The following DDHD2 variants were observed in gnomAD, a reference collection of about 807,000 sequenced individuals.
The protein encoded by DDHD2 is triacylglycerol hydrolase DDHD2.
Under a neutral mutation model 91.2 loss-of-function variants are expected in DDHD2, and 62 were observed. The ratio of observed to expected loss-of-function variants is 0.68; its 90% CI spans 0.55 to 0.84. The LOEUF (loss-of-function observed/expected upper bound fraction) is 0.84. Ranked by LOEUF, DDHD2 falls within the 40% of genes least tolerant of loss-of-function variation. The pLI is 0.00. For synonymous variants in DDHD2, 271 were observed against 293.9 expected (o/e 0.92, Z 0.80); for missense variants, 740 against 846.9 (o/e 0.87, Z 1.57).
At chr8:38,268,210 A>G (rs1808005158) in intron 1 of DDHD2, 1 of 1,070,434 alleles carries the variant, frequency 9.3e-7, no homozygotes, top group East Asian at 2.6e-5. Flanking sequence ...TAGCCTGCGT[A>G]ACCAAGTCCC....
chr8:38,245,622 G>GT (rs747525115), intron 7 of DDHD2, 120 bp from the exon 8 acceptor site: 12 of 916,198 alleles, frequency 1.3e-5, no homozygotes, highest in East Asian at 4.8e-5. Context: ...TCCTCTTTTT[G>GT]TTTTTTCCTA....
chr8:38,239,209 A>T (rs566353284), intron 5 of DDHD2, among the ~76,000 whole-genome samples: 1 of 151,958 alleles, frequency 6.6e-6, no homozygotes, highest in East Asian at 1.9e-4. Flanking sequence ...CCCTGTCTGT[A>T]CAAAAAATAC....
Position 38,247,755 on chromosome 8 carries a change from C to T in DDHD2, c.1168C>T (p.Leu390=), listed in dbSNP as rs142190071. Residue 390 remains leucine, a synonymous_variant, in exon 10 of 18, where the codon CTA becomes TTA. Coordinates refer to ENST00000397166, the MANE Select transcript of DDHD2 (RefSeq NM_015214.3). ...AATGGATCAAGGAGATACACCTACA[C>T]TAGAGGAAGATTTGAAGAAACTTCA... ...IVMDQGDTPT[L]EEDLKKLQLS... 815 of 1,574,170 alleles carry T rather than the reference C, an allele frequency of 5.2e-4. 4 individuals carry two copies. In the African/African-American group the frequency reaches 0.01, roughly 20 times the overall value.
Position 38,260,127 on chromosome 8 carries a change from A to AC in DDHD2, c.*9dup, listed in dbSNP as rs747616530. ...TTGATCAGCCTTTACAGTAAAAATG[A>AC]CCCATCTATGGCTGCTTAATGTAAG... On this transcript the variant is annotated 3_prime_UTR_variant, in exon 17 of 18. Transcript: ENST00000397166. 9 of 1,597,224 alleles carry AC rather than the reference A, an allele frequency of 5.6e-6. No individual in the cohort carries two copies. Among genetic ancestry groups the AC allele is most frequent in the South Asian group, 4.4e-5 (4 of 90,744 alleles).
intron 7 of DDHD2, among the ~76,000 whole-genome samples, chr8:38,243,604 A>G (rs1585723499): frequency 6.6e-6 from 1 of 151,766 alleles, no homozygotes; most frequent in Admixed American, 6.6e-5. Context: ...CTTCATCACC[A>G]TATGATTTTT....
chr8:38,243,585 C>G (rs954450975), intron 7 of DDHD2, among the ~76,000 whole-genome samples: 9 of 152,100 alleles, frequency 5.9e-5, no homozygotes, highest in African/African-American at 2.2e-4. Context: ...CATACCTTAT[C>G]TAATGCCCCT....
intron 10 of DDHD2, among the ~76,000 whole-genome samples, chr8:38,249,209 T>C (rs1451778622): frequency 6.6e-6 from 1 of 151,590 alleles, no homozygotes; most frequent in Admixed American, 6.6e-5. Flanking sequence ...GCCTTCCGGG[T>C]TCACGCCATT....
chr8:38,233,816 C>CT (rs1381094588), intron 2 of DDHD2, among the ~76,000 whole-genome samples: 1 of 151,654 alleles, frequency 6.6e-6, no homozygotes, highest in East Asian at 1.9e-4. Context: ...GTAGTCTCAG[C>CT]TACCTGGGAG....
intron 15 of DDHD2, 24 bp from the exon 16 acceptor site, chr8:38,253,532 T>A: frequency 6.2e-7 from 1 of 1,601,580 alleles, no homozygotes; most frequent in Non-Finnish European, 8.5e-7. Flanking sequence ...TTTTAGATTC[T>A]TATTATGGTT....
chr8:38,267,086 T>C (rs1411302769), downstream of DDHD2: 1 of 1,453,980 alleles, frequency 6.9e-7, no homozygotes, highest in African/African-American at 1.4e-5. Flanking sequence ...CTTTCTGTTC[T>C]GTAATATTTA....
intron 2 of DDHD2, among the ~76,000 whole-genome samples, chr8:38,233,564 G>C (rs1048227476): frequency 6.6e-6 from 1 of 151,708 alleles, no homozygotes; most frequent in Admixed American, 6.6e-5. Flanking sequence ...GATTACAGGC[G>C]TGTTACACCC....
intron 1 of DDHD2, chr8:38,270,804 T>C (rs1808440091): frequency 6.6e-6 from 1 of 152,252 alleles, no homozygotes; most frequent in Non-Finnish European, 1.5e-5. Context: ...TACTTACATG[T>C]AAATTACTTT....
At chr8:38,257,361 A>G (rs936923961) in intron 16 of DDHD2, among the ~76,000 whole-genome samples, 1 of 135,884 alleles carries the variant, frequency 7.4e-6, no homozygotes, top group African/African-American at 2.8e-5. Context: ...CAATTCTTGT[A>G]CCTCAGCTTC....
At chr8:38,240,234 C>A (rs1563301769) in intron 5 of DDHD2, 41 bp from the exon 6 acceptor site, 4 of 1,221,960 alleles carry the variant, frequency 3.3e-6, no homozygotes, top group South Asian at 2.6e-5. Flanking sequence ...GAATACATGA[C>A]TAATTATACA....
At chr8:38,242,605 G>C (rs1250876294) in intron 7 of DDHD2, among the ~76,000 whole-genome samples, 6 of 152,172 alleles carry the variant, frequency 3.9e-5, no homozygotes, top group Non-Finnish European at 8.8e-5. Flanking sequence ...AGTATTTACT[G>C]TTACAGCTTC....
chr8:38,254,661 C>T (rs954362884), intron 16 of DDHD2, among the ~76,000 whole-genome samples: 26 of 152,068 alleles, frequency 1.7e-4, no homozygotes, highest in African/African-American at 5.3e-4. Context: ...TGAGCCACCA[C>T]GCCTGGGCAG....
chr8:38,238,259 CCTT>C, intron 5 of DDHD2, 50 bp downstream of exon 5: 1 of 1,606,528 alleles, frequency 6.2e-7, no homozygotes, highest in Non-Finnish European at 8.5e-7. Flanking sequence ...TTTGTTTACT[CCTT>C]AAATTGTGAC....
In DDHD2 at chr8:38,242,362, T is replaced by G. The variant is rs2130795209; in HGVS notation, c.825T>G (p.Pro275=). The stretch of plus-strand genomic sequence containing the variant: ...TTCTTCCAGTCAACTGGCACAGTCC[T>G]TTGCATTCTACTGGTGTGGATGTGT... ...VEFLPVNWHS[P]LHSTGVDVDL... The change falls in exon 7 of 18, where the codon CCT becomes CCG. Residue 275 remains proline (P), a synonymous_variant. Transcript: ENST00000397166. 6.2e-7 allele frequency: 1 copy of G among 1,610,694 alleles called. No homozygotes were observed. Among genetic ancestry groups the G allele is most frequent in the South Asian group, 1.1e-5 (1 of 90,058 alleles).
At position 38,269,249 on chromosome 8, in the gene DDHD2, G is replaced by A. The variant is rs954807692; in HGVS notation, n.88-1873G>A. The A allele has an allele frequency of 2.1e-6, 3 of 1,397,786 alleles. No individual in the cohort carries two copies. The Admixed American group carries it at 1.0e-4, about 47-fold the overall frequency. The allele number at this position is 1,397,786 out of a possible 1,614,324, so 86.6% of individuals were successfully genotyped here. A position where few individuals can be genotyped will look rare whatever the true frequency, so the allele number is the denominator to read the frequency against. ...TGCGCTGACGTGGCCACCTCCGCGG[G>A]GAGGGCCGGGCCGGGAACTGGGCAC... On this transcript the variant is annotated intron_variant and non_coding_transcript_variant, in intron 1 of 1. Coordinates refer to the DDHD2 transcript ENST00000526071.
Sources: gnomAD v4.1 joint callset for allele counts (sites outside exome capture counted in the v4.1 genomes callset) on GRCh38, gnomAD v4.1.1 for gene constraint, MANE v1.5 for transcripts, NCBI Gene and HGNC (gene_info 2026-07-23, HGNC 2026-07-21) for gene names.